The following SGCZ variants were observed in gnomAD, a reference collection of about 807,000 sequenced individuals.
The protein encoded by SGCZ is zeta-sarcoglycan.
A neutral mutation model predicts 41.3 loss-of-function variants in SGCZ; 40 were observed. That is an observed-to-expected ratio of 0.97 (90% CI 0.75 to 1.26). The LOEUF is 1.26. Among genes scored for constraint, SGCZ ranks in the 50% most tolerant of loss-of-function variants. The pLI, the probability that SGCZ is intolerant of heterozygous loss-of-function variation, is 0.00. For missense variants in SGCZ, 552 were observed against 369.8 expected (o/e 1.49, Z -4.04); for synonymous variants, 206 against 137.5 (o/e 1.50, Z -3.49).
At chr8:14,738,237 C>G (rs1381164257) in intron 1 of SGCZ, among the ~76,000 whole-genome samples, 1 of 151,988 alleles carries the variant, frequency 6.6e-6, no homozygotes, top group Non-Finnish European at 1.5e-5. Context: ...GGGGAATCAT[C>G]TTATCTAATT....
intron 2 of SGCZ, among the ~76,000 whole-genome samples, chr8:14,419,408 T>G (rs1799580091): frequency 1.3e-5 from 2 of 152,004 alleles, no homozygotes; most frequent in Non-Finnish European, 2.9e-5. Flanking sequence ...TATGTATCAA[T>G]TATTTCAAAT....
In SGCZ at chr8:14,470,986, C is replaced by A. The variant is rs552502603; in HGVS notation, c.234+83746G>T. Reference sequence around the variant, plus strand: ...CATCAGTACCAGTAAGAGGCGCTACCCTAAGTTAACTGAAGGAGTGCCATC... The same window carrying A: ...CATCAGTACCAGTAAGAGGCGCTACACTAAGTTAACTGAAGGAGTGCCATC... On this transcript the variant is annotated intron_variant, in intron 2 of 7. Transcript: ENST00000382080. 2.6e-5 allele frequency among the ~76,000 whole-genome samples: 4 copies of A among 152,212 alleles called. No individual in the cohort carries two copies. The South Asian group carries it at 8.3e-4, about 32-fold the overall frequency.
intron 1 of SGCZ, among the ~76,000 whole-genome samples, chr8:14,710,130 G>A (rs1379510606): frequency 6.6e-6 from 1 of 152,076 alleles, no homozygotes; most frequent in African/African-American, 2.4e-5. Flanking sequence ...ACTCTGGGAG[G>A]CCGAGGAGGG....
chr8:15,060,347 G>A (rs1340708570), intron 1 of SGCZ, among the ~76,000 whole-genome samples: 1 of 151,810 alleles, frequency 6.6e-6, no homozygotes, highest in Admixed American at 6.6e-5. Flanking sequence ...CCATAAAAAA[G>A]GATGAGTTCA....
chr8:15,121,521 A>ATGCT (rs1407456704), intron 1 of SGCZ, among the ~76,000 whole-genome samples: 1 of 152,222 alleles, frequency 6.6e-6, no homozygotes, highest in Non-Finnish European at 1.5e-5. Flanking sequence ...CACCCATAAG[A>ATGCT]TGCTTACAGT....
At chr8:14,340,828 G>T (rs1802677808) in intron 2 of SGCZ, among the ~76,000 whole-genome samples, 1 of 152,018 alleles carries the variant, frequency 6.6e-6, no homozygotes, top group Admixed American at 6.6e-5. Flanking sequence ...TTAAGGGTAT[G>T]GTTCAGTGGC....
intron 2 of SGCZ, among the ~76,000 whole-genome samples, chr8:14,393,915 T>G (rs1318171237): frequency 1.3e-5 from 2 of 152,198 alleles, no homozygotes; most frequent in African/African-American, 4.8e-5. Flanking sequence ...TTCCATAAAT[T>G]AGCTTTCAAA....
chr8:14,726,320 AT>A (rs1202779958), intron 1 of SGCZ, among the ~76,000 whole-genome samples: 1 of 130,440 alleles, frequency 7.7e-6, no homozygotes, highest in East Asian at 2.2e-4. Context: ...ACATATATAT[AT>A]ATCTATATAT....
intron 1 of SGCZ, among the ~76,000 whole-genome samples, chr8:14,827,992 A>G (rs1291775610): frequency 6.6e-6 from 1 of 152,158 alleles, no homozygotes; most frequent in Non-Finnish European, 1.5e-5. Context: ...ACCAAAATAA[A>G]CTCGTACTAC....
intron 1 of SGCZ, among the ~76,000 whole-genome samples, chr8:15,143,399 C>T (rs186612790): frequency 2.0e-5 from 3 of 152,238 alleles, no homozygotes; most frequent in East Asian, 1.9e-4. Context: ...TTCTATAAGG[C>T]TCAAGCAAAG....
At chr8:14,193,968 A>C (rs1805186875) in intron 4 of SGCZ, among the ~76,000 whole-genome samples, 1 of 151,864 alleles carries the variant, frequency 6.6e-6, no homozygotes, top group South Asian at 2.1e-4. Context: ...AGGGATAGCT[A>C]CATAACATAA....
At chr8:14,698,468 G>C (rs1045483720) in intron 1 of SGCZ, among the ~76,000 whole-genome samples, 4 of 151,712 alleles carry the variant, frequency 2.6e-5, no homozygotes, top group African/African-American at 9.7e-5. Flanking sequence ...TTGTATTAAA[G>C]ATCACATTAT....
chr8:14,781,796 C>G (rs1032867755), intron 1 of SGCZ, among the ~76,000 whole-genome samples: 1 of 152,116 alleles, frequency 6.6e-6, no homozygotes, highest in South Asian at 2.1e-4. Context: ...ATGCCTACAA[C>G]ACTTACATTA....
intron 1 of SGCZ, among the ~76,000 whole-genome samples, chr8:15,161,257 T>G (rs1283167527): frequency 6.6e-6 from 1 of 152,086 alleles, no homozygotes; most frequent in Non-Finnish European, 1.5e-5. Context: ...CATCCATGAC[T>G]CCCTTGTTTA....
At chr8:15,098,430 G>T (rs1031608984) in intron 1 of SGCZ, among the ~76,000 whole-genome samples, 3 of 152,096 alleles carry the variant, frequency 2.0e-5, no homozygotes, top group Non-Finnish European at 4.4e-5. Context: ...GACCCGCCTA[G>T]TATCACACAG....
At chr8:15,236,607 G>A (rs1461350734) in intron 1 of SGCZ, among the ~76,000 whole-genome samples, 1 of 152,040 alleles carries the variant, frequency 6.6e-6, no homozygotes, top group Non-Finnish European at 1.5e-5. Flanking sequence ...ACGGTGAGCG[G>A]GACATTTAAA....
rs188614017 is a variant in SGCZ, at chr8:14,303,313, C to T, written c.336+20790G>A. Among the ~76,000 whole-genome samples, 679 of 152,032 alleles carry T rather than the reference C, an allele frequency of 4.5e-3. 14 individuals are homozygous for T. The highest frequency in any genetic ancestry group is 0.026 in the Admixed American group (403 of 15,264). On this transcript the variant is annotated intron_variant, in intron 3 of 7. Transcript: ENST00000382080. ...AATGAACATGAATTACATGCATTTA[C>T]GAAATATGGGAGGTTAGGGTTACTT...
chr8:15,045,052 A>G (rs992416207), intron 1 of SGCZ, among the ~76,000 whole-genome samples: 3 of 151,978 alleles, frequency 2.0e-5, no homozygotes, highest in African/African-American at 7.2e-5. Context: ...TATATAAGCC[A>G]TGTACACAGG....
intron 1 of SGCZ, among the ~76,000 whole-genome samples, chr8:14,839,546 TAA>T (rs769818341): frequency 6.6e-5 from 10 of 152,222 alleles, no homozygotes; most frequent in Non-Finnish European, 1.3e-4. Flanking sequence ...TGTTTTACAA[TAA>T]GTTTCTTTTA....
Sources: gnomAD v4.1 joint callset for allele counts (sites outside exome capture counted in the v4.1 genomes callset) on GRCh38, gnomAD v4.1.1 for gene constraint, MANE v1.5 for transcripts, NCBI Gene and HGNC (gene_info 2026-07-23, HGNC 2026-07-21) for gene names.